The following SMAD4 variants were observed in gnomAD, a reference collection of about 807,000 sequenced individuals.
SMAD4 encodes MAD homolog 4.
In SMAD4, 7 loss-of-function variants were observed where a neutral mutation model predicts 63.2. The ratio of observed to expected loss-of-function variants is 0.11; its 90% CI spans 0.06 to 0.21. The LOEUF (loss-of-function observed/expected upper bound fraction) is 0.21. Among genes scored for constraint, SMAD4 ranks in the 10% least tolerant of loss-of-function variants. SMAD4 has a pLI of 1.00. For synonymous variants in SMAD4, 215 were observed against 235.4 expected (o/e 0.91, Z 0.79); for missense variants, 312 against 693.8 (o/e 0.45, Z 6.18).
At chr18:51,071,013 C>T (rs1053997687) in intron 10 of SMAD4, among the ~76,000 whole-genome samples, 1 of 152,108 alleles carries the variant, frequency 6.6e-6, no homozygotes, top group South Asian at 2.1e-4. Flanking sequence ...ATGCACAGTA[C>T]TATCTAAAGT....
At chr18:51,045,903 A>T (rs1422174886) in intron 1 of SMAD4, among the ~76,000 whole-genome samples, 1 of 152,124 alleles carries the variant, frequency 6.6e-6, no homozygotes, top group Non-Finnish European at 1.5e-5. Context: ...ACCTTTTGTC[A>T]CTGACTTCTT....
Position 51,054,781 on chromosome 18 carries a change from C to T in SMAD4, c.455C>T (p.Ala152Val), listed in dbSNP as rs1568204964. The change falls in exon 5 of 12, where the codon GCT becomes GTT. Residue 152 changes from alanine (A) to valine (V), a missense_variant and splice_region_variant. This residue lies in a region of SMAD4 where 169 missense variants were observed against 211.0 expected (regional missense o/e 0.80). Coordinates refer to ENST00000342988, the MANE Select transcript of SMAD4 (RefSeq NM_005359.6). ...AAAATATGTTTAATTTTCTATATAG[C>T]TCCATCAAGTATGATGGTGAAGGAT... is the stretch of plus-strand genomic sequence containing the variant. ...DLSGLTLQSN[A>V]PSSMMVKDEY... 1 of 1,604,906 alleles carries T rather than the reference C, an allele frequency of 6.2e-7. No homozygotes were observed. Among genetic ancestry groups the T allele is most frequent in the Non-Finnish European group, 8.5e-7 (1 of 1,171,616 alleles).
At position 51,083,658 on chromosome 18, in the gene SMAD4, CCA is replaced by C. The variant is rs1268319537; in HGVS notation, c.*5194_*5195del. ...GTTGCACTCTCTAGTTTGCCCTCTGCCACAAATTTGATGTGTGACCTTTGGGC... is the reference window on the plus strand; with the variant it reads ...GTTGCACTCTCTAGTTTGCCCTCTGCCAAATTTGATGTGTGACCTTTGGGC... On this transcript the variant is annotated 3_prime_UTR_variant, in exon 12 of 12. Transcript: ENST00000342988. The C allele has an allele frequency of 4.4e-6, 1 of 227,628 alleles. No homozygotes were observed. Among genetic ancestry groups the C allele is most frequent in the Non-Finnish European group, 8.7e-6 (1 of 114,652 alleles). 14.1% of individuals were successfully genotyped at this position (227,628 alleles called of 1,614,324 possible).
At chr18:51,059,349 A>G (rs866259526) in intron 7 of SMAD4, among the ~76,000 whole-genome samples, 12 of 152,246 alleles carry the variant, frequency 7.9e-5, no homozygotes, top group African/African-American at 2.7e-4. Flanking sequence ...CTCAAGAGTA[A>G]TAATAGTAGT....
intron 11 of SMAD4, 196 bp downstream of exon 11, chr18:51,076,972 T>G (rs979159026): frequency 1.6e-5 from 8 of 504,810 alleles, no homozygotes; most frequent in African/African-American, 1.6e-4. Flanking sequence ...GCATTCTTTT[T>G]GTATCAAAAA....
At chr18:51,056,911 A>G (rs1447467452) in intron 5 of SMAD4, among the ~76,000 whole-genome samples, 1 of 152,144 alleles carries the variant, frequency 6.6e-6, no homozygotes, top group Non-Finnish European at 1.5e-5. Flanking sequence ...GTTAATGACA[A>G]TTTTTGTAAG....
intron 7 of SMAD4, among the ~76,000 whole-genome samples, chr18:51,059,333 T>C (rs532896996): frequency 6.6e-6 from 1 of 152,304 alleles, no homozygotes; most frequent in South Asian, 2.1e-4. Flanking sequence ...TTTCACCTCA[T>C]TAAGCCTCAA....
At chr18:51,072,368 A>T (rs112428314) in intron 10 of SMAD4, among the ~76,000 whole-genome samples, 33 of 152,178 alleles carry the variant, frequency 2.2e-4, no homozygotes, top group African/African-American at 7.7e-4. Context: ...TTTGTTTTTG[A>T]ACACATTTAT....
intron 4 of SMAD4, chr18:51,051,514 C>T (rs564781939): frequency 4.8e-6 from 2 of 419,022 alleles, no homozygotes; most frequent in Non-Finnish European, 9.5e-6. Flanking sequence ...ATGAAACTTT[C>T]TATGACCACG....
At chr18:51,060,519 C>T (rs1909979297) in intron 8 of SMAD4, among the ~76,000 whole-genome samples, 1 of 152,082 alleles carries the variant, frequency 6.6e-6, no homozygotes, top group African/African-American at 2.4e-5. Context: ...ATCTGTTTTT[C>T]TTAGCATAAA....
At chr18:51,058,852 T>G (rs570499565) in intron 7 of SMAD4, among the ~76,000 whole-genome samples, 9 of 152,338 alleles carry the variant, frequency 5.9e-5, no homozygotes, top group African/African-American at 2.2e-4. Context: ...TGGATAATGT[T>G]GAATCTATAG....
Position 51,076,897 on chromosome 18 carries a change from TGAC to T in SMAD4, c.1447+122_1447+124del. The T allele has an allele frequency of 4.2e-6, 3 of 714,046 alleles. No homozygotes were observed. In the Admixed American group the frequency reaches 1.0e-4, roughly 24 times the overall value. The allele number at this position is 714,046 out of a possible 1,614,324, so 44.2% of individuals were successfully genotyped here. On this transcript the variant is annotated intron_variant, in intron 11 of 11. Coordinates refer to ENST00000342988, the MANE Select transcript of SMAD4 (RefSeq NM_005359.6). ...TTAAAGTTTTTTTTTACTGGGATGA[TGAC>T]ATTTTTGAATTGGTAAAATCTGTTC...
At chr18:51,051,910 G>T (rs1357532684) in intron 4 of SMAD4, among the ~76,000 whole-genome samples, 1 of 151,956 alleles carries the variant, frequency 6.6e-6, no homozygotes, top group African/African-American at 2.4e-5. Flanking sequence ...GAGTTCAAGC[G>T]ATTCTCCTGC....
intron 1 of SMAD4, among the ~76,000 whole-genome samples, chr18:51,034,097 T>G (rs1387099571): frequency 2.0e-5 from 3 of 152,176 alleles, no homozygotes; most frequent in African/African-American, 7.2e-5. Flanking sequence ...ATATTCCAAA[T>G]GAGAATTTTT....
intron 1 of SMAD4, among the ~76,000 whole-genome samples, chr18:51,032,290 GAAGTGGGA>G (rs953952687): frequency 6.6e-6 from 1 of 150,938 alleles, no homozygotes; most frequent in African/African-American, 2.4e-5. Context: ...TTTTATTTTT[GAAGTGGGA>G]GTGTATGTTT....
chr18:51,044,074 C>A (rs184859663), intron 1 of SMAD4, among the ~76,000 whole-genome samples: 2 of 152,206 alleles, frequency 1.3e-5, no homozygotes, highest in African/African-American at 4.8e-5. Context: ...GTAATTTACA[C>A]ATGTAATTTA....
intron 1 of SMAD4, among the ~76,000 whole-genome samples, chr18:51,040,138 CA>C (rs1212475452): frequency 6.6e-6 from 1 of 152,020 alleles, no homozygotes; most frequent in East Asian, 1.9e-4. Flanking sequence ...TAAATTTAAG[CA>C]CTTTTGCGCC....
intron 4 of SMAD4, chr18:51,053,665 C>A (rs1470232009): frequency 6.6e-6 from 1 of 151,968 alleles, no homozygotes; most frequent in Non-Finnish European, 1.5e-5. Context: ...TTAAACTAGT[C>A]TCAATTTAAT....
In SMAD4 at chr18:51,060,195, A is replaced by G. The variant is rs79638847; in HGVS notation, c.955+279A>G. Among the ~76,000 whole-genome samples, 40 of 152,356 alleles carry G rather than the reference A, an allele frequency of 2.6e-4. No homozygotes were observed. The East Asian group carries it at 7.1e-3, about 27-fold the overall frequency. On this transcript the variant is annotated intron_variant, in intron 8 of 11. Coordinates refer to ENST00000342988, the MANE Select transcript of SMAD4 (RefSeq NM_005359.6). ...TTCAGCATTGAATACATAAATATGC[A>G]GCAGAATAAAACTAGGTTTCAAAAT...
Sources: allele counts gnomAD v4.1 joint callset (sites outside exome capture counted in the v4.1 genomes callset), GRCh38; gene constraint gnomAD v4.1.1; regional missense constraint gnomAD v4.1.1; transcripts MANE v1.5; gene names NCBI Gene and HGNC (gene_info 2026-07-23, HGNC 2026-07-21).